Variants in RANBP2 observed in about 807,000 individuals in gnomAD.
RANBP2 encodes RAN binding protein 2, also known as E3 SUMO-protein ligase RanBP2.
A neutral mutation model predicts 303.6 loss-of-function variants in RANBP2; 57 were observed. That is an observed-to-expected ratio of 0.19 (90% confidence interval 0.15 to 0.23). The LOEUF (loss-of-function observed/expected upper bound fraction) is 0.23. Ranked by LOEUF, RANBP2 falls within the 10% of genes least tolerant of loss-of-function variation. RANBP2 has a pLI of 1.00. For missense variants in RANBP2, 3,138 were observed against 3,780.8 expected, an observed-to-expected ratio of 0.83 and a Z score of 4.46; for synonymous variants, 1,167 against 1,301.5, an observed-to-expected ratio of 0.90 and a Z score of 2.23.
At chr2:109,306,069 A>G in the RANBP2 span, among the ~76,000 whole-genome samples, 2 of 152,188 alleles carry the variant, frequency 1.3e-5, no homozygotes, top group Admixed American at 1.3e-4. Context: ...CGACAGTGGG[A>G]TGTGCTTGGG....
chr2:109,278,488 G>C, the RANBP2 span, among the ~76,000 whole-genome samples: 11 of 152,342 alleles, frequency 7.2e-5, no homozygotes, highest in African/African-American at 1.4e-4. Flanking sequence ...CATGGTTGAT[G>C]ATGAGGCACA....
chr2:109,621,556 G>A, the RANBP2 span, among the ~76,000 whole-genome samples: 2 of 151,942 alleles, frequency 1.3e-5, no homozygotes, highest in Non-Finnish European at 2.9e-5. Flanking sequence ...AAACATAATT[G>A]AGCATTCTTG....
chr2:108,975,327 G>T, the RANBP2 span, among the ~76,000 whole-genome samples: 1 of 152,214 alleles, frequency 6.6e-6, no homozygotes, highest in Non-Finnish European at 1.5e-5. Context: ...TGTCTTCTAT[G>T]GGTCAAATCC....
chr2:109,353,498 C>T, the RANBP2 span, among the ~76,000 whole-genome samples: 16 of 152,302 alleles, frequency 1.1e-4, no homozygotes, highest in Middle Eastern at 3.4e-3. Context: ...ACCCCACCAC[C>T]GCCTGGCCCC....
the RANBP2 span, among the ~76,000 whole-genome samples, chr2:109,361,814 T>G: frequency 6.6e-6 from 1 of 152,240 alleles, no homozygotes; most frequent in African/African-American, 2.4e-5. Context: ...TAGCAGATTG[T>G]CTTTTAAGGA....
At chr2:109,050,830 T>A in the RANBP2 span, among the ~76,000 whole-genome samples, 1 of 152,122 alleles carries the variant, frequency 6.6e-6, no homozygotes, top group Non-Finnish European at 1.5e-5. Context: ...TATTAAATAA[T>A]TGCATCCACA....
the RANBP2 span, among the ~76,000 whole-genome samples, chr2:108,958,444 C>A: frequency 1.3e-5 from 2 of 152,026 alleles, no homozygotes; most frequent in Non-Finnish European, 2.9e-5. Flanking sequence ...CAAAAAAAAC[C>A]CCAGGGCAGT....
the RANBP2 span, among the ~76,000 whole-genome samples, chr2:109,273,151 C>T: frequency 6.6e-6 from 1 of 152,228 alleles, no homozygotes; most frequent in South Asian, 2.1e-4. Flanking sequence ...TTAAAATCCG[C>T]TGTACAGGAA....
the RANBP2 span, chr2:109,613,291 A>G: frequency 1.0e-5 from 7 of 696,992 alleles, no homozygotes; most frequent in Admixed American, 1.0e-4. Flanking sequence ...TCAAGGCGGG[A>G]AAAAAACGGT....
chr2:108,737,644 G>A (rs1441656335), intron 6 of RANBP2, among the ~76,000 whole-genome samples: 1 of 150,498 alleles, frequency 6.6e-6, no homozygotes, highest in Non-Finnish European at 1.5e-5. Context: ...TGCCTCCTGG[G>A]TTCAAGTGAT....
chr2:108,719,616 A>G lies in RANBP2; in HGVS notation c.10A>G (p.Ser4Gly). The change falls in exon 1 of 29, where the codon AGC becomes GGC. Residue 4 changes from serine to glycine, a missense_variant. Ser to Gly is a moderately conservative substitution (Grantham distance 56). Around this residue, in one of 20 missense-constraint regions of RANBP2, gnomAD observed 306 missense variants for 381.9 expected, o/e 0.80. Transcript: ENST00000283195. The part of the protein sequence containing the change: MRR[S>G]KADVERYIAS... ...CCAGGTTGGCGGCGCGATGAGGCGC[A>G]GCAAGGCTGACGTGGAGCGGTACAT... The G allele has an allele frequency of 6.2e-7, 1 of 1,605,990 alleles. No homozygotes were observed. Among genetic ancestry groups the G allele is most frequent in the South Asian group, 1.1e-5 (1 of 89,572 alleles).
intron 7 of RANBP2, among the ~76,000 whole-genome samples, chr2:108,746,208 C>CTTCT (rs1696504014): frequency 1.1e-5 from 1 of 90,564 alleles, no homozygotes; most frequent in Non-Finnish European, 2.0e-5. Context: ...ATGTCTGGCC[C>CTTCT]TTTTTTTTTT....
At chr2:109,079,236 T>C in the RANBP2 span, among the ~76,000 whole-genome samples, 3 of 152,180 alleles carry the variant, frequency 2.0e-5, no homozygotes. Flanking sequence ...TAATGAATAG[T>C]AAATACGGTT....
At chr2:108,790,774 AG>A (rs1180981532), downstream of RANBP2, among the ~76,000 whole-genome samples, 1 of 152,100 alleles carries the variant, frequency 6.6e-6, no homozygotes, top group Non-Finnish European at 1.5e-5. Context: ...GTGGGTTTGC[AG>A]GGGGCGAGCC....
chr2:109,761,602 AT>A, the RANBP2 span, among the ~76,000 whole-genome samples: 5 of 145,004 alleles, frequency 3.4e-5, 1 homozygote, highest in East Asian at 8.7e-4. Flanking sequence ...TAAAAATCCC[AT>A]TGGCTGCTTT....
chr2:109,526,845 A>G, the RANBP2 span, among the ~76,000 whole-genome samples: 1 of 151,998 alleles, frequency 6.6e-6, no homozygotes, highest in Admixed American at 6.6e-5. Context: ...CTTCCTCTCT[A>G]GGAGACCCTC....
chr2:109,548,772 T>G, the RANBP2 span, among the ~76,000 whole-genome samples: 1 of 50,480 alleles, frequency 2.0e-5, no homozygotes, highest in Non-Finnish European at 3.6e-5. Context: ...TTAGGCTCCA[T>G]CTCAAAAAAA....
the RANBP2 span, among the ~76,000 whole-genome samples, chr2:109,003,247 C>T: frequency 8.0e-5 from 12 of 149,306 alleles, no homozygotes; most frequent in Admixed American, 2.7e-4. Context: ...GCAAAGTACA[C>T]GTGCACTTTT....
At chr2:109,453,173 C>T in the RANBP2 span, among the ~76,000 whole-genome samples, 1 of 152,164 alleles carries the variant, frequency 6.6e-6, no homozygotes, top group Non-Finnish European at 1.5e-5. Context: ...ACCAGAGCTC[C>T]TCTCTGGGCC....
Sources: gnomAD v4.1 joint callset for allele counts (sites outside exome capture counted in the v4.1 genomes callset) on GRCh38, gnomAD v4.1.1 for gene constraint, gnomAD v4.1.1 regional missense constraint, MANE v1.5 for transcripts, NCBI Gene and HGNC (gene_info 2026-07-23, HGNC 2026-07-21) for gene names.